Variants in UFD1 observed in about 807,000 individuals in gnomAD.
The protein encoded by UFD1 is ubiquitin recognition factor in ER-associated degradation protein 1.
Under a neutral mutation model 45.9 loss-of-function variants are expected in UFD1, and 13 were observed. The ratio of observed to expected loss-of-function variants is 0.28; its 90% CI spans 0.18 to 0.45. The LOEUF (loss-of-function observed/expected upper bound fraction) is 0.45, where lower values mean the gene tolerates loss of function less well. Among genes scored for constraint, UFD1 ranks in the 20% least tolerant of loss-of-function variants. The pLI is 1.00. For missense variants in UFD1, 218 were observed against 389.2 expected (o/e 0.56, Z 3.70); for synonymous variants, 128 against 139.2 (o/e 0.92, Z 0.56).
intron 4 of UFD1, 108 bp from the exon 5 acceptor site, chr22:19,468,111 G>A: frequency 2.1e-6 from 3 of 1,431,804 alleles, no homozygotes; most frequent in South Asian, 1.4e-5. Context: ...CTTGGAAGAG[G>A]AACCTGAGCC....
At chr22:19,460,754 TC>T (rs2089760010) in intron 6 of UFD1, among the ~76,000 whole-genome samples, 1 of 150,474 alleles carries the variant, frequency 6.6e-6, no homozygotes, top group Non-Finnish European at 1.5e-5. Flanking sequence ...CAACCACCAT[TC>T]TTTTTTTTTT....
chr22:19,475,572 G>A lies in UFD1; in HGVS notation c.34C>T (p.Pro12Ser), dbSNP rs761371971. 6.2e-7 allele frequency: 1 copy of A among 1,614,190 alleles called. No individual in the cohort carries two copies. The highest frequency in any genetic ancestry group is 1.1e-5 in the South Asian group (1 of 91,086). The change falls in exon 2 of 12, where the codon CCC becomes TCC. Residue 12 changes from proline to serine, a missense_variant. Pro to Ser is a moderately conservative substitution (Grantham distance 74). Coordinates refer to ENST00000263202, the MANE Select transcript of UFD1 (RefSeq NM_005659.7). Reference sequence around the variant, plus strand: ...GAGAAGCGGTTTTGGAAGACCCTGGGAATAGGGTGGTCGAACATGTTGAAA... The same window carrying A: ...GAGAAGCGGTTTTGGAAGACCCTGGAAATAGGGTGGTCGAACATGTTGAAA... Reference protein sequence around the residue: ...FSFNMFDHPIPRVFQNRFSTQ... With the variant: ...FSFNMFDHPISRVFQNRFSTQ...
chr22:19,450,595 T>C lies in UFD1; in HGVS notation c.*75A>G. Reference sequence around the variant, plus strand: ...TATTCTCTGATGAGGCTCGTCCCTGTCAGTGCCAGTAACTAAAAGCCAAGA... The same window carrying C: ...TATTCTCTGATGAGGCTCGTCCCTGCCAGTGCCAGTAACTAAAAGCCAAGA... On this transcript the variant is annotated 3_prime_UTR_variant, in exon 12 of 12. Coordinates refer to ENST00000263202, the MANE Select transcript of UFD1 (RefSeq NM_005659.7). 2.5e-6 allele frequency: 4 copies of C among 1,572,704 alleles called. No individual in the cohort carries two copies. The highest frequency in any genetic ancestry group is 3.5e-6 in the Non-Finnish European group (4 of 1,144,590).
intron 1 of UFD1, chr22:19,478,829 C>A (rs1413044316): frequency 3.8e-6 from 2 of 530,332 alleles, no homozygotes; most frequent in Non-Finnish European, 6.5e-6. Flanking sequence ...ACAAACCTTC[C>A]TTTCTTTCGT....
At chr22:19,454,159 G>C (rs2089704312) in intron 11 of UFD1, 10 of 986,250 alleles carry the variant, frequency 1.0e-5, no homozygotes, top group Non-Finnish European at 1.2e-5. Context: ...CCTGGAGTCG[G>C]CTCTAGAGCA....
At chr22:19,457,671 C>T (rs1162039852) in intron 7 of UFD1, among the ~76,000 whole-genome samples, 5 of 152,034 alleles carry the variant, frequency 3.3e-5, no homozygotes, top group Non-Finnish European at 5.9e-5. Context: ...ACTAGCCGGG[C>T]CTGGTGGCAC....
chr22:19,454,720 A>G (rs1601886486), intron 11 of UFD1, 29 bp downstream of exon 11: 3 of 1,613,796 alleles, frequency 1.9e-6, no homozygotes, highest in East Asian at 4.5e-5. Flanking sequence ...CTCATTACCA[A>G]CCAAGGAAAT....
intron 5 of UFD1, chr22:19,466,114 C>A (rs1460347254): frequency 6.6e-6 from 1 of 152,236 alleles, no homozygotes; most frequent in Non-Finnish European, 1.5e-5. Flanking sequence ...CTCGCTTGGT[C>A]AAACAGCTTT....
rs1302039952 is a variant in UFD1 at position 19,456,325 on chromosome 22, A to G, written c.678+262T>C. Among the ~76,000 whole-genome samples, 3 of 151,698 alleles carry G rather than the reference A, an allele frequency of 2.0e-5. No homozygotes were observed. In the East Asian group the frequency reaches 5.9e-4, roughly 30 times the overall value. On this transcript the variant is annotated intron_variant, in intron 9 of 11. Transcript: ENST00000263202. ...GAACCTAAGGGAACAGTATATGTCT[A>G]CTGTACTATTTAAACTCTTCGGTAG...
intron 2 of UFD1, 52 bp downstream of exon 2, chr22:19,475,418 T>C (rs918716885): frequency 3.7e-6 from 6 of 1,608,968 alleles, no homozygotes; most frequent in East Asian, 4.5e-5. Context: ...GGCTACAGCA[T>C]TGCAGACTTA....
At position 19,456,911 on chromosome 22, in the gene UFD1, A is replaced by G. The variant is rs960493796; in HGVS notation, c.572T>C (p.Phe191Ser). 1.9e-6 allele frequency: 3 copies of G among 1,594,212 alleles called. No individual in the cohort carries two copies. Residue 191 changes from phenylalanine (F) to serine (S), a missense_variant, in exon 8 of 12, where the codon TTT (phenylalanine) becomes TCT (serine). Phe to Ser is a radical substitution (Grantham distance 155). Around this residue, in one of 2 missense-constraint regions of UFD1, gnomAD observed 149 missense variants for 307.5 expected, o/e 0.48. Transcript: ENST00000263202. ...SIIECDMNVD[F>S]DAPLGYKEPE... ...TTCTTTGTAGCCCAGGGGAGCATCA[A>G]AGTCCACCTGTGTTTCCAGGATTTT...
At chr22:19,454,556 CTCCCCAGCCATGTGAACTG>C (rs1569325978) in intron 11 of UFD1, 174 bp downstream of exon 11, 1 of 1,251,906 alleles carries the variant, frequency 8.0e-7, no homozygotes, top group East Asian at 3.0e-5. Flanking sequence ...ATTGTGAGGC[CTCCCCAGCCATGTGAACTG>C]TAAGTCCATT....
chr22:19,458,406 T>C (rs2089740101), intron 6 of UFD1, among the ~76,000 whole-genome samples: 1 of 152,196 alleles, frequency 6.6e-6, no homozygotes, highest in Non-Finnish European at 1.5e-5. Context: ...ACTAACAACC[T>C]TTAACCTGGA....
rs2089816622 is a variant in UFD1 at position 19,468,083 on chromosome 22, G to A, written c.292-80C>T. 3.9e-6 allele frequency: 6 copies of A among 1,551,226 alleles called. No homozygotes were observed. In the Admixed American group the frequency reaches 6.1e-5, roughly 16 times the overall value. ...CCACTGCTCCCTATACACTGGGCAG[G>A]CCCGTCTTACTTGGGTCCTTGGAAG... On this transcript the variant is annotated intron_variant, in intron 4 of 11. Transcript: ENST00000263202.
intron 8 of UFD1, 29 bp downstream of exon 8, chr22:19,456,824 C>A: frequency 3.1e-6 from 5 of 1,614,102 alleles, no homozygotes; most frequent in Non-Finnish European, 4.2e-6. Flanking sequence ...TGCAGCAGGA[C>A]AGCAAAGGAC....
chr22:19,465,442 T>A, intron 5 of UFD1, 168 bp from the exon 6 acceptor site: 1 of 590,596 alleles, frequency 1.7e-6, no homozygotes, highest in Non-Finnish European at 3.0e-6. Context: ...AGGATGGAAC[T>A]CCTAATATGC....
chr22:19,456,948 AT>A (rs767403014), intron 7 of UFD1, 30 bp from the exon 8 acceptor site: 34 of 1,465,386 alleles, frequency 2.3e-5, no homozygotes, highest in Non-Finnish European at 3.0e-5. Flanking sequence ...AAAGTAAAAT[AT>A]TGAGACATGA....
intron 11 of UFD1, chr22:19,453,871 C>G (rs2089701580): frequency 7.1e-6 from 7 of 985,472 alleles, no homozygotes; most frequent in Non-Finnish European, 8.4e-6. Flanking sequence ...CCTGGATCCT[C>G]AAGGGTCCAA....
At chr22:19,478,838 G>A in intron 1 of UFD1, 2 of 535,562 alleles carry the variant, frequency 3.7e-6, no homozygotes, top group East Asian at 3.4e-5. Context: ...CCTTTCTTTC[G>A]TCAAGGAGGG....
Sources: gnomAD v4.1 joint callset for allele counts (sites outside exome capture counted in the v4.1 genomes callset) on GRCh38, gnomAD v4.1.1 for gene constraint, gnomAD v4.1.1 regional missense constraint, MANE v1.5 for transcripts, NCBI Gene and HGNC (gene_info 2026-07-23, HGNC 2026-07-21) for gene names.